SLC35E4: variants seen among roughly 807,000 people sequenced by gnomAD.
SLC35E4 encodes solute carrier family 35 member E4.
SLC35E4 carries 15 observed loss-of-function variants against 19.3 expected under a neutral mutation model. The ratio of observed to expected loss-of-function variants is 0.78; its 90% CI spans 0.52 to 1.20. SLC35E4 has a LOEUF of 1.20. Ranked by LOEUF, SLC35E4 falls within the 50% of genes most tolerant of loss-of-function variation. The pLI is 0.00. For missense variants in SLC35E4, 406 were observed against 472.3 expected, an observed-to-expected ratio of 0.86 and a Z score of 1.30; for synonymous variants, 219 against 219.9, an observed-to-expected ratio of 1.00 and a Z score of 0.04.
At chr22:30,648,527 G>T (rs748893000), downstream of SLC35E4, among the ~76,000 whole-genome samples, 7 of 152,136 alleles carry the variant, frequency 4.6e-5, no homozygotes, top group Non-Finnish European at 1.0e-4. Context: ...CAAGGCGGGC[G>T]GATCACCTGA....
intron 2 of SLC35E4, chr22:30,654,466 T>C: frequency 2.3e-6 from 1 of 435,938 alleles, no homozygotes; most frequent in South Asian, 1.7e-5. Context: ...CACCACCTGC[T>C]TTTTCGTCAT....
chr22:30,663,172 T>C (rs1275262067), exon 3 of SLC35E4: 27 of 429,428 alleles, frequency 6.3e-5, no homozygotes, highest in Non-Finnish European at 1.0e-4. Flanking sequence ...CCCTCTTTCT[T>C]CTGGGCACCA....
intron 2 of SLC35E4, chr22:30,661,444 C>CTTTTTTTTTTTTTTTTTTTTTTT (rs56242112): frequency 3.7e-5 from 5 of 136,482 alleles, no homozygotes; most frequent in Non-Finnish European, 4.6e-5. Context: ...TTTTCTTTTT[C>CTTTTTTTTTTTTTTTTTTTTTTT]TTTTTTTTTT....
Position 30,645,882 on chromosome 22 carries a change from G to A in SLC35E4, c.620-716G>A, listed in dbSNP as rs533117240. Among the ~76,000 whole-genome samples, 17 of 148,102 alleles carry A rather than the reference G, an allele frequency of 1.1e-4. 1 individual carries two copies. The South Asian group carries it at 3.6e-3, about 32-fold the overall frequency. On this transcript the variant is annotated intron_variant, in intron 1 of 1. Transcript: ENST00000343605. ...GTTGCCCAGGCTGGAGTGCAGTGGT[G>A]CAATTTTGGCTCACTGCAACCTCCA...
chr22:30,650,997 G>A (rs2088199480), downstream of SLC35E4, among the ~76,000 whole-genome samples: 1 of 148,514 alleles, frequency 6.7e-6, no homozygotes, highest in African/African-American at 2.5e-5. Flanking sequence ...CAGGGGGCCA[G>A]GGCAAACAAG....
chr22:30,656,197 A>C (rs971797859), intron 2 of SLC35E4, among the ~76,000 whole-genome samples: 12 of 151,826 alleles, frequency 7.9e-5, no homozygotes, highest in Admixed American at 7.9e-4. Flanking sequence ...GGCTGATCGC[A>C]AATTCCCAGG....
Position 30,636,497 on chromosome 22 carries a change from C to A in SLC35E4, c.47C>A (p.Ala16Asp). Reference sequence around the variant, plus strand: ...CACCATGATGGCAGGATGACCTCAGCCGAAGTAGGAGCAGCAGCTGGTGGT... The same window carrying A: ...CACCATGATGGCAGGATGACCTCAGACGAAGTAGGAGCAGCAGCTGGTGGT... Reference protein sequence around the residue: ...PEHHDGRMTSAEVGAAAGGAQ... With the variant: ...PEHHDGRMTSDEVGAAAGGAQ... Residue 16 changes from alanine to aspartate, a missense_variant, in exon 1 of 2, where the codon GCC becomes GAC. Physicochemically the swap from Ala to Asp is moderately radical, Grantham distance 126. Coordinates refer to ENST00000343605, the MANE Select transcript of SLC35E4 (RefSeq NM_001001479.4). 6.5e-7 allele frequency: 1 copy of A among 1,533,322 alleles called. No individual in the cohort carries two copies. Among genetic ancestry groups the A allele is most frequent in the Non-Finnish European group, 8.8e-7 (1 of 1,135,480 alleles). 95.0% of individuals were successfully genotyped at this position (1,533,322 alleles called of 1,614,324 possible). A position where few individuals can be genotyped will look rare whatever the true frequency, so the allele number is the denominator to read the frequency against.
Position 30,646,840 on chromosome 22 carries a change from G to T in SLC35E4, c.862G>T (p.Gly288Cys), listed in dbSNP as rs1225522736. The T allele has an allele frequency of 6.2e-7, 1 of 1,614,222 alleles. No individual in the cohort carries two copies. The highest frequency in any genetic ancestry group is 8.5e-7 in the Non-Finnish European group (1 of 1,180,044). The change falls in exon 2 of 2, where the codon GGC becomes TGC. Residue 288 changes from glycine to cysteine, a missense_variant. Transcript: ENST00000343605. ...LTSALTVHVL[G>C]NLTVVGNLIL... is the part of the protein sequence containing the mutation. Reference sequence around the variant, plus strand: ...CTCTGCCCTCACCGTCCACGTCCTGGGCAACCTCACCGTGGTGGGCAACCT... The same window carrying T: ...CTCTGCCCTCACCGTCCACGTCCTGTGCAACCTCACCGTGGTGGGCAACCT...
At chr22:30,664,073 A>G, downstream of SLC35E4, 1 of 1,430,842 alleles carries the variant, frequency 7.0e-7, no homozygotes, top group East Asian at 2.4e-5. Flanking sequence ...GGCTGTGTCC[A>G]TGGAAAACTG....
At chr22:30,666,851 A>G (rs1451362044), downstream of SLC35E4, 3 of 152,206 alleles carry the variant, frequency 2.0e-5, no homozygotes, top group Non-Finnish European at 4.4e-5. Flanking sequence ...CCACGTAAAG[A>G]GTTTTCTCAG....
chr22:30,665,243 G>A (rs2088606044), downstream of SLC35E4: 1 of 184,250 alleles, frequency 5.4e-6, no homozygotes, highest in South Asian at 9.5e-5. Flanking sequence ...CCAAAGTTTT[G>A]TTTCCCTGCT....
chr22:30,660,378 A>G, intron 2 of SLC35E4, among the ~76,000 whole-genome samples: 1 of 152,152 alleles, frequency 6.6e-6, no homozygotes, highest in South Asian at 2.1e-4. Flanking sequence ...ATCTTGGCTC[A>G]CTGCAGCCTT....
intron 2 of SLC35E4, among the ~76,000 whole-genome samples, chr22:30,656,118 T>C (rs1233404670): frequency 1.3e-5 from 2 of 151,818 alleles, no homozygotes; most frequent in African/African-American, 4.8e-5. Flanking sequence ...GGACTACAGG[T>C]GTGCACCACC....
chr22:30,651,260 G>A (rs2088204218), downstream of SLC35E4, among the ~76,000 whole-genome samples: 1 of 150,368 alleles, frequency 6.7e-6, no homozygotes, highest in Non-Finnish European at 1.5e-5. Context: ...GAATGCAGTG[G>A]TGCAATCTTG....
At chr22:30,663,383 A>G, downstream of SLC35E4, 2 of 1,512,854 alleles carry the variant, frequency 1.3e-6, no homozygotes, top group Non-Finnish European at 1.8e-6. Flanking sequence ...TCTTGGTGTA[A>G]GATCAACAAT....
downstream of SLC35E4, chr22:30,667,375 AG>A (rs1351244058): frequency 6.6e-6 from 1 of 152,242 alleles, no homozygotes; most frequent in African/African-American, 2.4e-5. Flanking sequence ...CATCACTTCT[AG>A]GGGTGGGCCG....
At chr22:30,650,097 C>T (rs891941656), downstream of SLC35E4, among the ~76,000 whole-genome samples, 5 of 149,088 alleles carry the variant, frequency 3.4e-5, 1 homozygote, top group Admixed American at 6.7e-5. Flanking sequence ...TTTGGGAGTC[C>T]GAGGGGGGCG....
At chr22:30,648,702 C>T (rs2088169633), downstream of SLC35E4, among the ~76,000 whole-genome samples, 1 of 152,176 alleles carries the variant, frequency 6.6e-6, no homozygotes, top group Non-Finnish European at 1.5e-5. Context: ...TGCACTCCAG[C>T]TTGGCCAACA....
At chr22:30,663,734 G>A, downstream of SLC35E4, 1 of 1,614,054 alleles carries the variant, frequency 6.2e-7, no homozygotes. Context: ...CCACGCTGTG[G>A]ATATGGTCAG....
Sources: allele counts gnomAD v4.1 joint callset (sites outside exome capture counted in the v4.1 genomes callset), GRCh38; gene constraint gnomAD v4.1.1; transcripts MANE v1.5; gene names NCBI Gene and HGNC (gene_info 2026-07-23, HGNC 2026-07-21).